The following CCDC178 variants were observed in gnomAD, a reference collection of about 807,000 sequenced individuals.
CCDC178 encodes coiled-coil domain-containing protein 178.
Under a neutral mutation model 117.4 loss-of-function variants are expected in CCDC178, and 126 were observed. The observed-to-expected ratio is 1.07, with a 90% CI of 0.93 to 1.24. The LOEUF (loss-of-function observed/expected upper bound fraction) is 1.24. Among genes scored for constraint, CCDC178 ranks in the 50% most tolerant of loss-of-function variants. CCDC178 has a pLI of 0.00. For missense variants in CCDC178, 1,030 were observed against 986.9 expected (o/e 1.04, Z -0.59); for synonymous variants, 283 against 313.4 (o/e 0.90, Z 1.02).
At chr18:33,129,427 A>G (rs936173318) in intron 20 of CCDC178, among the ~76,000 whole-genome samples, 30 of 152,114 alleles carry the variant, frequency 2.0e-4, no homozygotes, top group African/African-American at 6.8e-4. Flanking sequence ...CACAAAAAGT[A>G]AACTCCAGCA....
intron 18 of CCDC178, among the ~76,000 whole-genome samples, chr18:33,221,202 A>G (rs1256885594): frequency 2.0e-5 from 3 of 152,026 alleles, no homozygotes; most frequent in Admixed American, 2.0e-4. Flanking sequence ...CAGACCTAGT[A>G]GGCACTGAGT....
intron 22 of CCDC178, among the ~76,000 whole-genome samples, chr18:32,955,620 A>G (rs2054577621): frequency 1.3e-5 from 2 of 152,118 alleles, no homozygotes; most frequent in Non-Finnish European, 1.5e-5. Flanking sequence ...AAAAGTTTCT[A>G]TTACACACAC....
chr18:33,287,797 A>C (rs187805976), intron 12 of CCDC178, among the ~76,000 whole-genome samples: 17 of 152,112 alleles, frequency 1.1e-4, no homozygotes, highest in African/African-American at 4.1e-4. Context: ...TGAATGAATA[A>C]ATAAATAAAT....
rs556649465 is a variant in CCDC178 at position 33,431,944 on chromosome 18, G to T, written c.-23+8018C>A. Among the ~76,000 whole-genome samples the T allele has an allele frequency of 2.0e-5, 3 of 152,326 alleles. No individual in the cohort carries two copies. In the East Asian group the frequency reaches 5.8e-4, roughly 29 times the overall value. On this transcript the variant is annotated intron_variant, in intron 2 of 22. Transcript: ENST00000383096. Reference sequence around the variant, plus strand: ...AGGAATGTAGGATCAGTGAGGTGGTGATGGAAGAGGTCTGTGAGCCCAGCA... The same window carrying T: ...AGGAATGTAGGATCAGTGAGGTGGTTATGGAAGAGGTCTGTGAGCCCAGCA...
intron 15 of CCDC178, among the ~76,000 whole-genome samples, chr18:33,228,506 C>T (rs1323908370): frequency 6.6e-6 from 1 of 152,162 alleles, no homozygotes; most frequent in Non-Finnish European, 1.5e-5. Context: ...AAGAATAAGA[C>T]ACTTGTATTT....
chr18:33,065,199 C>T (rs950225906), intron 21 of CCDC178, among the ~76,000 whole-genome samples: 6 of 152,078 alleles, frequency 3.9e-5, no homozygotes, highest in Non-Finnish European at 8.8e-5. Context: ...AGTAGGGTGA[C>T]ATGGCTAACA....
At chr18:33,364,563 A>T (rs1443203489) in intron 6 of CCDC178, among the ~76,000 whole-genome samples, 3 of 152,022 alleles carry the variant, frequency 2.0e-5, no homozygotes, top group African/African-American at 7.2e-5. Flanking sequence ...TTAAAGACAG[A>T]ATGCTGAGAG....
chr18:33,073,349 A>C (rs959270505), intron 21 of CCDC178, among the ~76,000 whole-genome samples: 16 of 152,108 alleles, frequency 1.1e-4, no homozygotes, highest in Admixed American at 4.6e-4. Context: ...CTTAATTTTC[A>C]CTTAACTATG....
chr18:33,240,910 G>T lies in CCDC178; in HGVS notation c.1593+4335C>A, dbSNP rs545051825. Among the ~76,000 whole-genome samples the T allele has an allele frequency of 2.2e-4, 33 of 151,816 alleles. No individual in the cohort carries two copies. The South Asian group carries it at 4.2e-3, about 19-fold the overall frequency. On this transcript the variant is annotated intron_variant, in intron 15 of 22. Transcript: ENST00000383096. ...ATGAGGAAAACAAAAAATTAAAACT[G>T]CAGGCCAATATGTATGAAAATAGAG...
chr18:33,401,896 A>C (rs969607571), intron 3 of CCDC178, among the ~76,000 whole-genome samples: 7 of 152,132 alleles, frequency 4.6e-5, no homozygotes, highest in African/African-American at 1.7e-4. Flanking sequence ...GAACACATGG[A>C]AATTATTTAT....
At chr18:32,983,135 AT>A (rs1768037855) in intron 21 of CCDC178, 1 of 507,556 alleles carries the variant, frequency 2.0e-6, no homozygotes, top group South Asian at 3.7e-5. Flanking sequence ...AAAAAATAAA[AT>A]CTAAAAAAAA....
At chr18:33,130,026 G>A (rs552114168) in intron 20 of CCDC178, among the ~76,000 whole-genome samples, 98 of 151,988 alleles carry the variant, frequency 6.4e-4, no homozygotes, top group African/African-American at 2.3e-3. Context: ...ACAATTCACA[G>A]AGAAACAGAT....
intron 6 of CCDC178, among the ~76,000 whole-genome samples, chr18:33,356,606 T>G (rs1248228767): frequency 6.6e-6 from 1 of 151,592 alleles, no homozygotes; most frequent in Non-Finnish European, 1.5e-5. Flanking sequence ...GGAAAGGGGG[T>G]TAGACATGCC....
Position 33,348,930 on chromosome 18 carries a change from T to C in CCDC178, c.417A>G (p.Val139=). 6.2e-7 allele frequency: 1 copy of C among 1,610,642 alleles called. No individual in the cohort carries two copies. The highest frequency in any genetic ancestry group is 8.5e-7 in the Non-Finnish European group (1 of 1,178,218). The part of the protein sequence containing the change: ...STKDLKEDWS[V]TTPVKEVKPG... Reference sequence around the variant, plus strand: ...GTTTGACCTCTTTCACTGGTGTAGTTACACTCCAATCTTCTTTCAGGTCTT... The same window carrying C: ...GTTTGACCTCTTTCACTGGTGTAGTCACACTCCAATCTTCTTTCAGGTCTT... Residue 139 remains valine (V), a synonymous_variant, in exon 8 of 23, where the codon GTA becomes GTG. Transcript: ENST00000383096.
intron 5 of CCDC178, among the ~76,000 whole-genome samples, chr18:33,374,451 C>T (rs974480766): frequency 1.3e-5 from 2 of 152,182 alleles, no homozygotes; most frequent in African/African-American, 2.4e-5. Flanking sequence ...TTCACACACA[C>T]ACTATAATGC....
rs186060795 is a variant in CCDC178, at chr18:33,349,601, G to T, written c.372-626C>A. The stretch of plus-strand genomic sequence containing the variant: ...AACTATTTCTCCATCTTTCTCTGGT[G>T]TGATTCTAGAATCCTAAACTAGCCT... On this transcript the variant is annotated intron_variant, in intron 7 of 22. Coordinates refer to ENST00000383096, the MANE Select transcript of CCDC178 (RefSeq NM_001105528.4). 2.3e-4 allele frequency among the ~76,000 whole-genome samples: 35 copies of T among 151,880 alleles called. 1 individual carries two copies. The highest frequency in any genetic ancestry group is 1.6e-3 in the Admixed American group (25 of 15,258).
intron 7 of CCDC178, among the ~76,000 whole-genome samples, chr18:33,352,982 T>C (rs747332329): frequency 1.8e-4 from 27 of 152,246 alleles, no homozygotes; most frequent in Non-Finnish European, 2.6e-4. Context: ...CTTAGTTCTT[T>C]TATCCATTAT....
intron 21 of CCDC178, among the ~76,000 whole-genome samples, chr18:32,984,228 C>T (rs976821742): frequency 4.6e-5 from 7 of 151,340 alleles, no homozygotes; most frequent in African/African-American, 1.5e-4. Context: ...ATAATATATT[C>T]GATAATTCTG....
chr18:33,017,810 C>T (rs1033623072), intron 21 of CCDC178, among the ~76,000 whole-genome samples: 1 of 151,668 alleles, frequency 6.6e-6, no homozygotes, highest in Non-Finnish European at 1.5e-5. Flanking sequence ...GGATCATAGA[C>T]ATAAATGTAA....
Sources: allele counts gnomAD v4.1 joint callset (sites outside exome capture counted in the v4.1 genomes callset), GRCh38; gene constraint gnomAD v4.1.1; transcripts MANE v1.5; gene names NCBI Gene and HGNC (gene_info 2026-07-23, HGNC 2026-07-21).